Variants in PAM observed in about 807,000 individuals in gnomAD.
The protein encoded by PAM is peptidyl-glycine alpha-amidating monooxygenase.
Under a neutral mutation model 122.1 loss-of-function variants are expected in PAM, and 72 were observed. That is an observed-to-expected ratio of 0.59 (90% CI 0.49 to 0.72). The LOEUF is 0.72. Among genes scored for constraint, PAM ranks in the 30% least tolerant of loss-of-function variants. The pLI, the probability that PAM is intolerant of heterozygous loss-of-function variation, is 0.00. For missense variants in PAM, 1,106 were observed against 1,183.7 expected (o/e 0.93, Z 0.96); for synonymous variants, 389 against 404.4 (o/e 0.96, Z 0.46).
chr5:102,762,651 T>C (rs1752693417), intron 1 of PAM, among the ~76,000 whole-genome samples: 3 of 152,174 alleles, frequency 2.0e-5, no homozygotes, highest in Middle Eastern at 3.2e-3. Flanking sequence ...TTCTAGTGTT[T>C]GGGGAATAAA....
intron 3 of PAM, among the ~76,000 whole-genome samples, chr5:102,891,264 C>T (rs1794706318): frequency 6.6e-6 from 1 of 151,810 alleles, no homozygotes; most frequent in African/African-American, 2.4e-5. Context: ...AATCCAATAG[C>T]AGGACTAGCA....
intron 3 of PAM, among the ~76,000 whole-genome samples, chr5:102,884,940 G>A (rs748786646): frequency 6.6e-6 from 1 of 151,768 alleles, no homozygotes; most frequent in South Asian, 2.1e-4. Context: ...CACCCTCAGC[G>A]AATCCAGTAT....
At chr5:103,010,333 T>A (rs1780241602) in intron 21 of PAM, among the ~76,000 whole-genome samples, 1 of 152,216 alleles carries the variant, frequency 6.6e-6, no homozygotes, top group Non-Finnish European at 1.5e-5. Context: ...TAGCACTTCC[T>A]GGAATTTATT....
At chr5:102,831,528 A>G (rs899593130) in intron 1 of PAM, among the ~76,000 whole-genome samples, 1 of 152,032 alleles carries the variant, frequency 6.6e-6, no homozygotes, top group Non-Finnish European at 1.5e-5. Context: ...AATTATTTAT[A>G]GGTAACTGCC....
chr5:102,799,780 T>C (rs1764220877), intron 1 of PAM, among the ~76,000 whole-genome samples: 1 of 152,204 alleles, frequency 6.6e-6, no homozygotes, highest in Non-Finnish European at 1.5e-5. Flanking sequence ...AGGTTGGCAT[T>C]GAACATGAAA....
intron 3 of PAM, among the ~76,000 whole-genome samples, chr5:102,887,330 C>T (rs1793448783): frequency 6.6e-6 from 1 of 151,976 alleles, no homozygotes; most frequent in Non-Finnish European, 1.5e-5. Flanking sequence ...TGTGATTTTG[C>T]ACAAGCTTTT....
intron 7 of PAM, among the ~76,000 whole-genome samples, chr5:102,940,609 A>T (rs948528539): frequency 2.6e-5 from 4 of 151,718 alleles, no homozygotes; most frequent in Non-Finnish European, 5.9e-5. Flanking sequence ...AAGAGGAAAT[A>T]AAAAAAGTAA....
intron 7 of PAM, among the ~76,000 whole-genome samples, chr5:102,937,010 A>C (rs995754314): frequency 6.6e-6 from 1 of 152,174 alleles, no homozygotes; most frequent in Admixed American, 6.6e-5. Context: ...TTCTCTTAAG[A>C]AAAGGGGAGC....
chr5:102,758,508 G>A (rs769168106), intron 1 of PAM, among the ~76,000 whole-genome samples: 1 of 152,110 alleles, frequency 6.6e-6, no homozygotes, highest in East Asian at 1.9e-4. Flanking sequence ...ATTTGAATGC[G>A]AAAGCTAATT....
chr5:102,950,646 A>G (rs1018599464), intron 11 of PAM, 71 bp from the exon 12 acceptor site: 28 of 925,834 alleles, frequency 3.0e-5, no homozygotes, highest in Non-Finnish European at 4.8e-5. Context: ...ACATACCTCA[A>G]CACAGTCAAA....
At chr5:102,839,962 T>C (rs990266894) in intron 1 of PAM, among the ~76,000 whole-genome samples, 2 of 152,136 alleles carry the variant, frequency 1.3e-5, no homozygotes, top group Non-Finnish European at 2.9e-5. Context: ...CTTTTGAAAT[T>C]AGAAATAAGA....
intron 1 of PAM, among the ~76,000 whole-genome samples, chr5:102,830,745 CT>C (rs1175917141): frequency 2.6e-5 from 4 of 152,178 alleles, no homozygotes; most frequent in African/African-American, 7.2e-5. Context: ...CCTATTTCCC[CT>C]GGTATGCTGT....
intron 1 of PAM, among the ~76,000 whole-genome samples, chr5:102,798,520 C>T (rs372341371): frequency 6.6e-6 from 1 of 152,118 alleles, no homozygotes; most frequent in African/African-American, 2.4e-5. Flanking sequence ...AAAATTCTCC[C>T]GCATCAAAGT....
At position 102,968,163 on chromosome 5, in the gene PAM, C is replaced by G. The variant is rs145359123; in HGVS notation, c.1163-5953C>G. Among the ~76,000 whole-genome samples, 801 of 152,202 alleles carry G rather than the reference C, an allele frequency of 5.3e-3. 11 individuals carry two copies. Among genetic ancestry groups the G allele is most frequent in the African/African-American group, 0.019 (778 of 41,516 alleles). On this transcript the variant is annotated intron_variant, in intron 14 of 25. Coordinates refer to ENST00000438793, the MANE Select transcript of PAM (RefSeq NM_001177306.2). The stretch of plus-strand genomic sequence containing the variant: ...AGAGAAACCCAGTTAAAGAATAAAC[C>G]TAGCACTTGAGCTCAGAAGATGGTT...
At chr5:102,885,616 A>T (rs1384600085) in intron 3 of PAM, among the ~76,000 whole-genome samples, 1 of 151,920 alleles carries the variant, frequency 6.6e-6, no homozygotes, top group African/African-American at 2.4e-5. Flanking sequence ...TGTCATAACC[A>T]CTCCATGATA....
intron 1 of PAM, among the ~76,000 whole-genome samples, chr5:102,844,592 A>G (rs1185708410): frequency 1.3e-5 from 2 of 152,136 alleles, no homozygotes. Context: ...CCTTGAGCCC[A>G]GGAGTTCGAA....
intron 18 of PAM, among the ~76,000 whole-genome samples, 165 bp from the exon 19 acceptor site, chr5:103,006,636 T>C (rs1044840807): frequency 2.0e-5 from 3 of 152,196 alleles, no homozygotes; most frequent in African/African-American, 7.2e-5. Context: ...CCAGACCAGA[T>C]GATTTCTAGG....
At chr5:102,845,246 C>A (rs1212396110) in intron 1 of PAM, among the ~76,000 whole-genome samples, 1 of 152,096 alleles carries the variant, frequency 6.6e-6, no homozygotes, top group Non-Finnish European at 1.5e-5. Flanking sequence ...AGGAGGGGCA[C>A]ATGAAATGAG....
At chr5:102,768,142 C>T (rs1464932528) in intron 1 of PAM, among the ~76,000 whole-genome samples, 1 of 152,012 alleles carries the variant, frequency 6.6e-6, no homozygotes, top group Non-Finnish European at 1.5e-5. Flanking sequence ...CTGTTATTAC[C>T]ATTAACATTT....
Sources: allele counts gnomAD v4.1 joint callset (sites outside exome capture counted in the v4.1 genomes callset), GRCh38; gene constraint gnomAD v4.1.1; transcripts MANE v1.5; gene names NCBI Gene and HGNC (gene_info 2026-07-23, HGNC 2026-07-21).